Variants in THSD4 observed in about 807,000 individuals in gnomAD.
THSD4 encodes thrombospondin type 1 domain containing 4.
Under a neutral mutation model 119.0 loss-of-function variants are expected in THSD4, and 69 were observed. The ratio of observed to expected loss-of-function variants is 0.58; its 90% CI spans 0.48 to 0.71. THSD4 has a LOEUF of 0.71. Among genes scored for constraint, THSD4 ranks in the 30% least tolerant of loss-of-function variants. THSD4 has a pLI of 0.00. For missense variants in THSD4, 1,393 were observed against 1,391.1 expected, an observed-to-expected ratio of 1.00 and a Z score of -0.02; for synonymous variants, 524 against 540.4, an observed-to-expected ratio of 0.97 and a Z score of 0.42.
chr15:71,666,919 G>T (rs978964629), intron 8 of THSD4, among the ~76,000 whole-genome samples: 1 of 152,200 alleles, frequency 6.6e-6, no homozygotes, highest in Admixed American at 6.5e-5. Flanking sequence ...TAGGAGGAGT[G>T]GCCTATGTAG....
rs140837772 is a variant in THSD4, at chr15:71,430,864, T to C, written c.1152+19041T>C. Among the ~76,000 whole-genome samples the C allele has an allele frequency of 1.1e-4, 17 of 152,198 alleles. No homozygotes were observed. The East Asian group carries it at 3.3e-3, about 29-fold the overall frequency. On this transcript the variant is annotated intron_variant, in intron 7 of 17. Transcript: ENST00000261862. ...TACTAGGCCAGTTTTTCCCAGGGCTTCTATTGGCTTCATAATGTCAGCCTC... is the reference window on the plus strand; with the variant it reads ...TACTAGGCCAGTTTTTCCCAGGGCTCCTATTGGCTTCATAATGTCAGCCTC...
At chr15:71,606,283 A>G (rs1022095212) in intron 7 of THSD4, among the ~76,000 whole-genome samples, 6 of 152,212 alleles carry the variant, frequency 3.9e-5, no homozygotes, top group Non-Finnish European at 8.8e-5. Context: ...CCTCTTCTAA[A>G]CTACTTTGTG....
intron 7 of THSD4, among the ~76,000 whole-genome samples, chr15:71,602,124 A>G (rs776157596): frequency 6.6e-6 from 1 of 152,156 alleles, no homozygotes; most frequent in African/African-American, 2.4e-5. Flanking sequence ...GGGTGAGGAC[A>G]GTAATAAAGA....
chr15:71,439,684 T>C (rs908320595), intron 7 of THSD4, among the ~76,000 whole-genome samples: 1 of 152,108 alleles, frequency 6.6e-6, no homozygotes, highest in African/African-American at 2.4e-5. Context: ...TATGCAGCTG[T>C]AAAAAAGAAT....
intron 8 of THSD4, among the ~76,000 whole-genome samples, chr15:71,718,712 T>C (rs557401640): frequency 6.6e-6 from 1 of 152,240 alleles, no homozygotes; most frequent in East Asian, 1.9e-4. Context: ...CCTTCTAAGG[T>C]CGTGCCCCCT....
chr15:71,520,287 C>T (rs1016523107), intron 7 of THSD4, among the ~76,000 whole-genome samples: 16 of 152,096 alleles, frequency 1.1e-4, no homozygotes, highest in African/African-American at 3.6e-4. Flanking sequence ...AGATGGCAAA[C>T]GTGACCTGGG....
chr15:71,631,148 T>C (rs1330856069), intron 7 of THSD4, among the ~76,000 whole-genome samples: 2 of 152,178 alleles, frequency 1.3e-5, no homozygotes, highest in African/African-American at 4.8e-5. Context: ...CCCAGAGTCA[T>C]GGGCACACAG....
intron 17 of THSD4, among the ~76,000 whole-genome samples, chr15:71,776,483 G>C (rs1011679154): frequency 3.5e-4 from 53 of 152,164 alleles, no homozygotes; most frequent in African/African-American, 1.3e-3. Flanking sequence ...CCTCACGTGG[G>C]AATCATTTCA....
chr15:71,407,299 C>T (rs576294598), intron 6 of THSD4, among the ~76,000 whole-genome samples: 3 of 152,180 alleles, frequency 2.0e-5, no homozygotes, highest in South Asian at 2.1e-4. Context: ...CGTAATGCTG[C>T]GTAGCTTTGC....
chr15:71,753,682 G>A (rs976688238), intron 14 of THSD4, among the ~76,000 whole-genome samples: 3 of 152,234 alleles, frequency 2.0e-5, no homozygotes, highest in Admixed American at 2.0e-4. Flanking sequence ...GGTGGGTGTG[G>A]TTTGGAGCCT....
intron 1 of THSD4, among the ~76,000 whole-genome samples, chr15:71,135,507 G>A (rs1240622069): frequency 2.0e-5 from 3 of 151,622 alleles, no homozygotes; most frequent in African/African-American, 7.3e-5. Context: ...AGACTCTCCT[G>A]TGCCTGCCAT....
chr15:71,667,315 A>G (rs1455350970), intron 8 of THSD4, among the ~76,000 whole-genome samples: 1 of 152,232 alleles, frequency 6.6e-6, no homozygotes, highest in Non-Finnish European at 1.5e-5. Context: ...TTCTTAATAA[A>G]AGATATTGTA....
At chr15:71,237,726 G>A (rs2044117030) in intron 4 of THSD4, among the ~76,000 whole-genome samples, 3 of 152,162 alleles carry the variant, frequency 2.0e-5, no homozygotes, top group Admixed American at 2.0e-4. Context: ...AAACAGAAAG[G>A]CGGGAGTTGT....
intron 6 of THSD4, among the ~76,000 whole-genome samples, chr15:71,395,922 C>G (rs895507080): frequency 1.3e-5 from 2 of 148,770 alleles, no homozygotes; most frequent in South Asian, 2.2e-4. Context: ...GAGACACACA[C>G]ACACACACAC....
chr15:71,676,385 G>A (rs989532489), intron 8 of THSD4, among the ~76,000 whole-genome samples: 5 of 151,992 alleles, frequency 3.3e-5, no homozygotes, highest in South Asian at 2.1e-4. Context: ...GGGTTCAAGC[G>A]ATTCTCCTGC....
intron 3 of THSD4, among the ~76,000 whole-genome samples, chr15:71,191,043 C>G (rs1463087181): frequency 1.3e-5 from 2 of 152,194 alleles, no homozygotes; most frequent in Non-Finnish European, 2.9e-5. Context: ...TCATCCGACT[C>G]TGTTGATCAC....
At chr15:71,496,014 A>G (rs2048011152) in intron 7 of THSD4, among the ~76,000 whole-genome samples, 1 of 152,226 alleles carries the variant, frequency 6.6e-6, no homozygotes, top group African/African-American at 2.4e-5. Flanking sequence ...AACCACCAGC[A>G]TAGGCACTCA....
At chr15:71,438,497 A>C (rs1306191133) in intron 7 of THSD4, among the ~76,000 whole-genome samples, 1 of 151,902 alleles carries the variant, frequency 6.6e-6, no homozygotes, top group Non-Finnish European at 1.5e-5. Flanking sequence ...TTACATTTTT[A>C]CCTTTTACAT....
At chr15:71,268,351 T>C (rs993119840) in intron 6 of THSD4, among the ~76,000 whole-genome samples, 1 of 152,322 alleles carries the variant, frequency 6.6e-6, no homozygotes, top group Non-Finnish European at 1.5e-5. Context: ...TTCTCCTGAA[T>C]AACTACTGGG....
Sources: allele counts gnomAD v4.1 joint callset (sites outside exome capture counted in the v4.1 genomes callset), GRCh38; gene constraint gnomAD v4.1.1; transcripts MANE v1.5; gene names NCBI Gene and HGNC (gene_info 2026-07-23, HGNC 2026-07-21).